COLEC12: variants seen among roughly 807,000 people sequenced by gnomAD.
The protein encoded by COLEC12 is collectin-12.
A neutral mutation model predicts 71.1 loss-of-function variants in COLEC12; 33 were observed. The ratio of observed to expected loss-of-function variants is 0.46; its 90% CI spans 0.35 to 0.62. The LOEUF (loss-of-function observed/expected upper bound fraction) is 0.62. COLEC12 is among the 20% of genes least tolerant of loss of function. COLEC12 has a pLI of 0.00. For synonymous variants in COLEC12, 350 were observed against 353.0 expected (o/e 0.99, Z 0.10); for missense variants, 765 against 916.1 (o/e 0.84, Z 2.13).
intron 2 of COLEC12, among the ~76,000 whole-genome samples, chr18:365,806 T>C (rs1914843762): frequency 6.6e-6 from 1 of 152,212 alleles, no homozygotes; most frequent in Non-Finnish European, 1.5e-5. Flanking sequence ...CCGCACCCTC[T>C]GACCATGTTG....
intron 2 of COLEC12, among the ~76,000 whole-genome samples, chr18:471,425 C>T (rs1396620837): frequency 6.0e-5 from 9 of 151,208 alleles, no homozygotes; most frequent in Admixed American, 5.3e-4. Flanking sequence ...AACAAAATGA[C>T]TTTTGTTCAT....
intron 2 of COLEC12, among the ~76,000 whole-genome samples, chr18:427,600 G>A (rs762300274): frequency 6.6e-6 from 1 of 152,076 alleles, no homozygotes; most frequent in Non-Finnish European, 1.5e-5. Context: ...TCTGTTACTG[G>A]GACTAAAAAA....
chr18:466,864 C>A (rs1208552022), intron 2 of COLEC12, among the ~76,000 whole-genome samples: 2 of 152,118 alleles, frequency 1.3e-5, no homozygotes, highest in East Asian at 3.9e-4. Flanking sequence ...TTATCCCCAA[C>A]CCCAAAGCCT....
At chr18:470,409 G>T (rs987991425) in intron 2 of COLEC12, among the ~76,000 whole-genome samples, 30 of 149,134 alleles carry the variant, frequency 2.0e-4, no homozygotes, top group African/African-American at 6.2e-4. Flanking sequence ...TTTTTTTTTT[G>T]TTTTTAATAG....
At chr18:476,559 T>C (rs1312927657) in intron 2 of COLEC12, among the ~76,000 whole-genome samples, 1 of 152,030 alleles carries the variant, frequency 6.6e-6, no homozygotes, top group Admixed American at 6.6e-5. Context: ...TTGCGACCAA[T>C]CAATGAAACA....
chr18:493,853 C>G (rs1296346332), intron 1 of COLEC12, among the ~76,000 whole-genome samples: 1 of 152,142 alleles, frequency 6.6e-6, no homozygotes, highest in African/African-American at 2.4e-5. Flanking sequence ...TGTCCGAATA[C>G]TTATTTAGAG....
chr18:440,637 C>T (rs899684269), intron 2 of COLEC12, among the ~76,000 whole-genome samples: 1 of 152,164 alleles, frequency 6.6e-6, no homozygotes, highest in Non-Finnish European at 1.5e-5. Context: ...ATGCCAAAGT[C>T]CACAGATGCT....
At chr18:371,661 C>A (rs370525033) in intron 2 of COLEC12, among the ~76,000 whole-genome samples, 1 of 151,966 alleles carries the variant, frequency 6.6e-6, no homozygotes, top group Non-Finnish European at 1.5e-5. Context: ...AGGGGAGCTG[C>A]GGCAACAGGG....
intron 8 of COLEC12, among the ~76,000 whole-genome samples, chr18:323,553 T>C (rs1913766639): frequency 6.6e-6 from 1 of 152,264 alleles, no homozygotes; most frequent in Non-Finnish European, 1.5e-5. Flanking sequence ...GAGATGAAGT[T>C]GGAAAGAAAA....
chr18:478,198 G>A (rs868743118), intron 2 of COLEC12, among the ~76,000 whole-genome samples: 1 of 152,120 alleles, frequency 6.6e-6, no homozygotes, highest in Non-Finnish European at 1.5e-5. Flanking sequence ...TCCCCAAAAC[G>A]ACATTATCCT....
At chr18:329,602 G>A (rs554169259) in intron 8 of COLEC12, among the ~76,000 whole-genome samples, 1 of 152,196 alleles carries the variant, frequency 6.6e-6, no homozygotes, top group Non-Finnish European at 1.5e-5. Context: ...TCAAGTGCCA[G>A]ATTATGCCAG....
At chr18:341,044 T>C (rs1401094645) in intron 5 of COLEC12, among the ~76,000 whole-genome samples, 1 of 152,212 alleles carries the variant, frequency 6.6e-6, no homozygotes, top group Non-Finnish European at 1.5e-5. Flanking sequence ...TGGGAGGAAC[T>C]GAGGCCCCTG....
At chr18:491,255 G>C in intron 1 of COLEC12, among the ~76,000 whole-genome samples, 1 of 152,192 alleles carries the variant, frequency 6.6e-6, no homozygotes, top group East Asian at 1.9e-4. Flanking sequence ...TGTGTCACCT[G>C]GGTTGCTAAA....
At chr18:382,803 T>C (rs1459617789) in intron 2 of COLEC12, among the ~76,000 whole-genome samples, 2 of 152,240 alleles carry the variant, frequency 1.3e-5, no homozygotes, top group Non-Finnish European at 2.9e-5. Context: ...TATTTTTAAA[T>C]TTTGTTTTAA....
chr18:479,365 TAA>T (rs1917366918), intron 2 of COLEC12, among the ~76,000 whole-genome samples: 1 of 152,156 alleles, frequency 6.6e-6, no homozygotes, highest in Admixed American at 6.5e-5. Context: ...ATTCCTATTT[TAA>T]AGTCATATGT....
chr18:475,527 G>A (rs543576777), intron 2 of COLEC12, among the ~76,000 whole-genome samples: 9 of 152,212 alleles, frequency 5.9e-5, no homozygotes, highest in East Asian at 1.9e-4. Flanking sequence ...AGCCTGCCCC[G>A]TAAAAGCCCA....
intron 2 of COLEC12, among the ~76,000 whole-genome samples, chr18:368,701 A>G (rs984562345): frequency 8.0e-6 from 1 of 124,996 alleles, no homozygotes; most frequent in Admixed American, 7.8e-5. Context: ...CGTCTCCACT[A>G]AAAAATACAA....
At chr18:320,831 G>A (rs191350431) in intron 9 of COLEC12, among the ~76,000 whole-genome samples, 3 of 152,262 alleles carry the variant, frequency 2.0e-5, no homozygotes, top group South Asian at 2.1e-4. Flanking sequence ...AAAGAGGGTC[G>A]TGTGTTAAAT....
intron 2 of COLEC12, among the ~76,000 whole-genome samples, chr18:473,967 GGGA>G (rs1917254705): frequency 6.6e-6 from 1 of 152,314 alleles, no homozygotes; most frequent in Non-Finnish European, 1.5e-5. Flanking sequence ...AGAGAGAGTG[GGGA>G]GGAGGAGTTA....
Sources: gnomAD v4.1 joint callset for allele counts (sites outside exome capture counted in the v4.1 genomes callset) on GRCh38, gnomAD v4.1.1 for gene constraint, MANE v1.5 for transcripts, NCBI Gene and HGNC (gene_info 2026-07-23, HGNC 2026-07-21) for gene names.